The following MYT1L variants were observed in gnomAD, a reference collection of about 807,000 sequenced individuals.
MYT1L encodes myelin transcription factor 1-like protein.
Under a neutral mutation model 126.7 loss-of-function variants are expected in MYT1L, and 12 were observed. The observed-to-expected ratio is 0.09, with a 90% CI of 0.06 to 0.15. The LOEUF is 0.15. Ranked by LOEUF, MYT1L falls within the 10% of genes least tolerant of loss-of-function variation. MYT1L has a pLI of 1.00. For missense variants in MYT1L, 979 were observed against 1,585.2 expected (o/e 0.62, Z 6.49); for synonymous variants, 541 against 604.2 (o/e 0.90, Z 1.53).
At chr2:2,246,247 C>T (rs1462698206) in intron 2 of MYT1L, among the ~76,000 whole-genome samples, 3 of 152,250 alleles carry the variant, frequency 2.0e-5, no homozygotes, top group African/African-American at 7.2e-5. Flanking sequence ...CACTAGCAGC[C>T]CCCAGGAGTG....
intron 3 of MYT1L, among the ~76,000 whole-genome samples, chr2:2,092,101 G>T (rs1348318090): frequency 6.6e-6 from 1 of 152,222 alleles, no homozygotes; most frequent in Non-Finnish European, 1.5e-5. Context: ...ATTCAAAATT[G>T]GCTGTTTAGC....
chr2:2,164,331 C>T (rs939580531), intron 3 of MYT1L, among the ~76,000 whole-genome samples: 12 of 151,852 alleles, frequency 7.9e-5, no homozygotes, highest in African/African-American at 2.7e-4. Flanking sequence ...TTTAAGTATT[C>T]CCTTGGAACT....
chr2:2,181,343 C>T (rs996444765), intron 2 of MYT1L, among the ~76,000 whole-genome samples: 4 of 152,092 alleles, frequency 2.6e-5, no homozygotes, highest in African/African-American at 9.7e-5. Flanking sequence ...GAGAGTCTAC[C>T]TGGCTCTCTG....
At chr2:2,135,157 A>T (rs922763277) in intron 3 of MYT1L, among the ~76,000 whole-genome samples, 5 of 152,132 alleles carry the variant, frequency 3.3e-5, no homozygotes, top group African/African-American at 1.2e-4. Flanking sequence ...CCCAAATCTC[A>T]TCTTGAATTG....
At chr2:2,091,501 T>A (rs2076918547) in intron 3 of MYT1L, among the ~76,000 whole-genome samples, 1 of 152,172 alleles carries the variant, frequency 6.6e-6, no homozygotes, top group African/African-American at 2.4e-5. Flanking sequence ...AGGTTTAGCA[T>A]AACAATTAAG....
rs2051857164 is a variant in MYT1L, at chr2:1,910,798, TG to T, written c.1710-452del. On this transcript the variant is annotated intron_variant, in intron 12 of 24. Coordinates refer to ENST00000647738, the MANE Select transcript of MYT1L (RefSeq NM_001303052.2). This position sits in a 1 kb window ranked among gnomAD's most constrained non-coding sequence, Gnocchi z 4.8. ...CCTAAATGCTATTGACTGTGGCGTC[TG>T]GGGGGCCTGTCTGACTTTAGCCCTT... 6.6e-6 allele frequency among the ~76,000 whole-genome samples: 1 copy of T among 152,106 alleles called. No homozygotes were observed. The highest frequency in any genetic ancestry group is 1.5e-5 in the Non-Finnish European group (1 of 68,018).
At position 2,228,540 on chromosome 2, in the gene MYT1L, CT is replaced by C. The variant is rs1270702897; in HGVS notation, c.-420-55553del. On this transcript the variant is annotated intron_variant, in intron 2 of 24. Transcript: ENST00000647738. This position sits in a 1 kb window ranked among gnomAD's most constrained non-coding sequence, Gnocchi z 5.9. The stretch of plus-strand genomic sequence containing the variant: ...GAAAGTTTAGAATTTTTTTGCCAAT[CT>C]TTTTGATTTTATAGAAAAAGTATTT... 6.6e-6 allele frequency among the ~76,000 whole-genome samples: 1 copy of C among 152,010 alleles called. No homozygotes were observed. The highest frequency in any genetic ancestry group is 6.6e-5 in the Admixed American group (1 of 15,258).
chr2:1,906,864 G>C (rs1055905952), intron 13 of MYT1L, among the ~76,000 whole-genome samples: 2 of 151,710 alleles, frequency 1.3e-5, no homozygotes, highest in African/African-American at 4.8e-5. Context: ...GATCACTTGA[G>C]CCCAGGAGTT....
At chr2:2,185,609 C>T (rs1357929532) in intron 2 of MYT1L, among the ~76,000 whole-genome samples, 1 of 144,432 alleles carries the variant, frequency 6.9e-6, no homozygotes, top group African/African-American at 2.6e-5. Context: ...CGGGCCTTCC[C>T]GAGTCCCGCG....
intron 4 of MYT1L, among the ~76,000 whole-genome samples, chr2:2,037,482 A>ACGG (rs1353453761): frequency 6.7e-6 from 1 of 149,982 alleles, no homozygotes; most frequent in Non-Finnish European, 1.5e-5. Context: ...TGGGCCAGGG[A>ACGG]CGGCGGCTCA....
intron 21 of MYT1L, among the ~76,000 whole-genome samples, chr2:1,819,798 G>A (rs2038242753): frequency 6.6e-6 from 1 of 152,258 alleles, no homozygotes; most frequent in Non-Finnish European, 1.5e-5. Flanking sequence ...CATGTCTTCA[G>A]CTTTGAATTT....
At chr2:1,976,201 C>G (rs1217340168) in intron 8 of MYT1L, among the ~76,000 whole-genome samples, 2 of 151,292 alleles carry the variant, frequency 1.3e-5, no homozygotes, top group Non-Finnish European at 2.9e-5. Flanking sequence ...TTAGAAGAAG[C>G]CTGGTGTCCT....
intron 19 of MYT1L, chr2:1,841,849 C>T (rs1277203488): frequency 2.6e-5 from 4 of 152,126 alleles, no homozygotes; most frequent in Non-Finnish European, 5.9e-5. Flanking sequence ...TTCCAGGCTT[C>T]GGGTTGTGCC....
At chr2:2,283,414 A>C (rs2095477139) in intron 2 of MYT1L, among the ~76,000 whole-genome samples, 1 of 152,206 alleles carries the variant, frequency 6.6e-6, no homozygotes, top group South Asian at 2.1e-4. Context: ...TGAGAGGATA[A>C]GTTTCTAAAG....
intron 23 of MYT1L, among the ~76,000 whole-genome samples, chr2:1,794,898 T>C (rs1465058647): frequency 6.6e-6 from 1 of 152,156 alleles, no homozygotes; most frequent in Non-Finnish European, 1.5e-5. Context: ...CTGGCCAAAA[T>C]GATAATCTCC....
chr2:1,956,265 T>C (rs2058368775), intron 8 of MYT1L, among the ~76,000 whole-genome samples: 1 of 143,634 alleles, frequency 7.0e-6, no homozygotes, highest in African/African-American at 2.7e-5. Flanking sequence ...TTTCCTATTC[T>C]ATCTGTCTAT....
chr2:2,231,729 G>A (rs929985446), intron 2 of MYT1L, among the ~76,000 whole-genome samples: 6 of 152,074 alleles, frequency 3.9e-5, no homozygotes, highest in East Asian at 1.9e-4. Context: ...ATTTACAGGC[G>A]TGGGACACCT....
intron 2 of MYT1L, among the ~76,000 whole-genome samples, chr2:2,238,547 C>T (rs1010368651): frequency 2.0e-5 from 3 of 152,168 alleles, no homozygotes; most frequent in African/African-American, 7.2e-5. Context: ...GGGTGACACC[C>T]GAGGAGAGTT....
intron 9 of MYT1L, among the ~76,000 whole-genome samples, chr2:1,925,738 A>C (rs1444646790): frequency 6.6e-6 from 1 of 152,168 alleles, no homozygotes; most frequent in Non-Finnish European, 1.5e-5. Flanking sequence ...CACTGAGGGC[A>C]CGGTTCGTCC....
Sources: gnomAD v4.1 joint callset for allele counts (sites outside exome capture counted in the v4.1 genomes callset) on GRCh38, gnomAD v4.1.1 for gene constraint, Gnocchi (gnomAD v3.1) non-coding constraint, MANE v1.5 for transcripts, NCBI Gene and HGNC (gene_info 2026-07-23, HGNC 2026-07-21) for gene names.